Variants in PCM1 observed in about 807,000 individuals in gnomAD.
The protein encoded by PCM1 is pericentriolar material 1.
PCM1 carries 157 observed loss-of-function variants against 241.9 expected under a neutral mutation model. The ratio of observed to expected loss-of-function variants is 0.65; its 90% confidence interval spans 0.57 to 0.74. PCM1 has a LOEUF of 0.74. Ranked by LOEUF, PCM1 falls within the 30% of genes least tolerant of loss-of-function variation. The pLI is 0.00. For synonymous variants in PCM1, 1,085 were observed against 784.9 expected (o/e 1.38, Z -6.39); for missense variants, 3,478 against 2,360.1 (o/e 1.47, Z -9.81).
chr8:17,980,628 T>C lies in PCM1; in HGVS notation c.3981T>C (p.Pro1327=), dbSNP rs1346826608. ...CCAGTATGTCTAGCACATGTGAACCTTGCAAAAGTAGGAACAGACATTCAG... is the reference window on the plus strand; with the variant it reads ...CCAGTATGTCTAGCACATGTGAACCCTGCAAAAGTAGGAACAGACATTCAG... ...ESASMSSTCE[P]CKSRNRHSAQ... is the part of the protein sequence containing the mutation. Residue 1327 remains proline (P), a synonymous_variant, in exon 24 of 39, where the codon CCT becomes CCC. Transcript: ENST00000325083. The C allele has an allele frequency of 1.9e-6, 3 of 1,612,932 alleles. No homozygotes were observed. The highest frequency in any genetic ancestry group is 2.2e-5 in the East Asian group (1 of 44,840).
chr8:17,970,846 A>G (rs6996133), intron 22 of PCM1, among the ~76,000 whole-genome samples: 69,108 of 151,958 alleles, frequency 0.45, 17,533 homozygotes, highest in Non-Finnish European at 0.59. Flanking sequence ...ACTTCAGATT[A>G]GACCTCATTT....
chr8:17,958,697 C>G (rs551585884), intron 13 of PCM1, among the ~76,000 whole-genome samples: 2 of 150,340 alleles, frequency 1.3e-5, no homozygotes, highest in Non-Finnish European at 2.9e-5. Context: ...AGCGTGCTCT[C>G]TCGGTTCAAA....
chr8:17,980,740 A>C lies in PCM1; in HGVS notation c.4093A>C (p.Thr1365Pro). Residue 1365 changes from threonine (T) to proline (P), a missense_variant, in exon 24 of 39, where the codon ACA becomes CCA. By Grantham distance (38) the Thr-to-Pro change is conservative. Transcript: ENST00000325083. Reference protein sequence around the residue: ...LEKIIKCNRSTEISSETGSDF... With the variant: ...LEKIIKCNRSPEISSETGSDF... ...AAAAATAATAAAATGTAATAGGTCT[A>C]CAGAAATATCTTCAGGTATGTTCTT... 6.2e-7 allele frequency: 1 copy of C among 1,608,520 alleles called. No homozygotes were observed. Among genetic ancestry groups the C allele is most frequent in the Non-Finnish European group, 8.5e-7 (1 of 1,178,130 alleles).
At chr8:18,001,919 C>T (rs184129999) in intron 29 of PCM1, among the ~76,000 whole-genome samples, 1 of 148,430 alleles carries the variant, frequency 6.7e-6, no homozygotes, top group African/African-American at 2.5e-5. Flanking sequence ...AAAACAGAAA[C>T]ACGTAGCCTT....
At chr8:18,014,223 C>T (rs920314721) in intron 35 of PCM1, among the ~76,000 whole-genome samples, 187 bp downstream of exon 35, 21 of 151,634 alleles carry the variant, frequency 1.4e-4, no homozygotes, top group African/African-American at 4.8e-4. Flanking sequence ...TTTCTATAAA[C>T]AATAAAGAAA....
chr8:17,957,593 G>A lies in PCM1; in HGVS notation c.1858G>A (p.Asp620Asn), dbSNP rs768892123. 1.9e-6 allele frequency: 3 copies of A among 1,572,872 alleles called. No individual in the cohort carries two copies. Among genetic ancestry groups the A allele is most frequent in the Non-Finnish European group, 2.6e-6 (3 of 1,157,780 alleles). The change falls in exon 13 of 39, where the codon GAT (aspartate) becomes AAT (asparagine). Residue 620 changes from aspartate (D) to asparagine (N), a missense_variant. Transcript: ENST00000325083. ...GGAGATTCATGTTGCACAAGGTGAA[G>A]ATGATGAGGAGGAGGAGGAAGAAGC... ...EQEIHVAQGE[D>N]DEEEEEEAEE...
chr8:17,954,219 G>A (rs982297933), intron 9 of PCM1, among the ~76,000 whole-genome samples: 1 of 152,054 alleles, frequency 6.6e-6, no homozygotes, highest in Non-Finnish European at 1.5e-5. Flanking sequence ...CCTGAGGTCG[G>A]GAGTTCGAGA....
chr8:18,023,695 T>C (rs186572360), intron 36 of PCM1, among the ~76,000 whole-genome samples: 2 of 152,366 alleles, frequency 1.3e-5, no homozygotes, highest in Non-Finnish European at 2.9e-5. Context: ...TGGGAATCTT[T>C]GCTTAGAGGG....
intron 15 of PCM1, 81 bp downstream of exon 15, chr8:17,960,525 T>C (rs1488235957): frequency 6.0e-6 from 6 of 993,832 alleles, no homozygotes; most frequent in South Asian, 3.3e-5. Flanking sequence ...TTTTTTGTTT[T>C]TGTTTTTCTT....
chr8:17,939,657 C>T lies in PCM1; in HGVS notation c.613-34C>T, dbSNP rs757263974. On this transcript the variant is annotated intron_variant, in intron 5 of 38. Transcript: ENST00000325083. ...CTTAGTTTTATATATTGTGTACTTTCATGCTTTTTTTAAAAAAAATATTTC... is the reference window on the plus strand; with the variant it reads ...CTTAGTTTTATATATTGTGTACTTTTATGCTTTTTTTAAAAAAAATATTTC... 3.0e-6 allele frequency: 4 copies of T among 1,345,416 alleles called. No individual in the cohort carries two copies. The African/African-American group carries it at 4.4e-5, about 15-fold the overall frequency. 83.3% of individuals were successfully genotyped at this position (1,345,416 alleles called of 1,614,324 possible). A position where few individuals can be genotyped will look rare whatever the true frequency, so the allele number is the denominator to read the frequency against.
At chr8:18,004,379 T>A (rs1194419208) in intron 29 of PCM1, among the ~76,000 whole-genome samples, 1 of 152,190 alleles carries the variant, frequency 6.6e-6, no homozygotes, top group Non-Finnish European at 1.5e-5. Context: ...GGTTTTCCAT[T>A]TGACCTTTTA....
chr8:17,980,664 A>G lies in PCM1; in HGVS notation c.4017A>G (p.Glu1339=). The G allele has an allele frequency of 6.2e-7, 1 of 1,613,598 alleles. No homozygotes were observed. The highest frequency in any genetic ancestry group is 1.1e-5 in the South Asian group (1 of 91,040). Reference sequence around the variant, plus strand: ...GGAACAGACATTCAGCCCAGACTGAAGAGCCTGTTCAAGCAAAAGTATTCA... The same window carrying G: ...GGAACAGACATTCAGCCCAGACTGAGGAGCCTGTTCAAGCAAAAGTATTCA... ...KSRNRHSAQT[E]EPVQAKVFSR... is the part of the protein sequence containing the mutation. Residue 1339 remains glutamate, a synonymous_variant, in exon 24 of 39, where the codon GAA becomes GAG. Transcript: ENST00000325083.
At chr8:18,021,208 T>A (rs1047603381) in intron 36 of PCM1, among the ~76,000 whole-genome samples, 4 of 152,192 alleles carry the variant, frequency 2.6e-5, no homozygotes, top group African/African-American at 9.6e-5. Flanking sequence ...AGCTGGTCCT[T>A]CCTGAGTCCT....
chr8:17,985,327 A>G, intron 24 of PCM1, 120 bp from the exon 25 acceptor site: 2 of 596,160 alleles, frequency 3.4e-6, no homozygotes, highest in Non-Finnish European at 5.6e-6. Context: ...GCTCTGAAAT[A>G]GAATTGTCTA....
chr8:17,991,185 C>T (rs2084502135), intron 27 of PCM1, among the ~76,000 whole-genome samples: 1 of 151,976 alleles, frequency 6.6e-6, no homozygotes, highest in Non-Finnish European at 1.5e-5. Flanking sequence ...ATTTGCATGA[C>T]ATTTTGGAAT....
At chr8:17,949,393 CAT>C (rs2065130803) in intron 7 of PCM1, among the ~76,000 whole-genome samples, 1 of 151,842 alleles carries the variant, frequency 6.6e-6, no homozygotes, top group African/African-American at 2.4e-5. Flanking sequence ...TTTGACTAGA[CAT>C]ATAGGATTCT....
rs142821121 is a variant in PCM1 at position 17,994,132 on chromosome 8, T to A, written c.4827+513T>A. Among the ~76,000 whole-genome samples, 199 of 152,306 alleles carry A rather than the reference T, an allele frequency of 1.3e-3. 1 individual carries two copies. Among genetic ancestry groups the A allele is most frequent in the African/African-American group, 4.6e-3 (190 of 41,558 alleles). On this transcript the variant is annotated intron_variant, in intron 29 of 38. Coordinates refer to ENST00000325083, the MANE Select transcript of PCM1 (RefSeq NM_006197.4). ...TGTGCTGTTAAATAATAGATCTTAT[T>A]CATTCATTCTGACTACTTTTTGTAC...
intron 29 of PCM1, among the ~76,000 whole-genome samples, chr8:17,997,678 T>C (rs532095064): frequency 1.4e-4 from 21 of 152,106 alleles, no homozygotes; most frequent in Non-Finnish European, 2.8e-4. Context: ...AATTTCTGCT[T>C]GATTCTTTTA....
chr8:17,992,306 T>C (rs890608021), intron 28 of PCM1, among the ~76,000 whole-genome samples: 1 of 152,226 alleles, frequency 6.6e-6, no homozygotes, highest in African/African-American at 2.4e-5. Context: ...TTCAGTTGTT[T>C]AAGGAATCTT....
Sources: gnomAD v4.1 joint callset for allele counts (sites outside exome capture counted in the v4.1 genomes callset) on GRCh38, gnomAD v4.1.1 for gene constraint, MANE v1.5 for transcripts, NCBI Gene and HGNC (gene_info 2026-07-23, HGNC 2026-07-21) for gene names.